Variants in ERI3 observed in about 807,000 individuals in gnomAD.
ERI3 encodes the protein ERI1 exoribonuclease 3.
Under a neutral mutation model 44.4 loss-of-function variants are expected in ERI3, and 18 were observed. That is an observed-to-expected ratio of 0.41 (90% CI 0.28 to 0.60). The LOEUF (loss-of-function observed/expected upper bound fraction) is 0.60, where lower values mean the gene tolerates loss of function less well. Ranked by LOEUF, ERI3 falls within the 20% of genes least tolerant of loss-of-function variation. The pLI is 0.36. For synonymous variants in ERI3, 183 were observed against 164.8 expected (o/e 1.11, Z -0.84); for missense variants, 294 against 435.5 (o/e 0.68, Z 2.89).
At chr1:44,292,301 T>C (rs535512295) in intron 6 of ERI3, among the ~76,000 whole-genome samples, 3 of 152,290 alleles carry the variant, frequency 2.0e-5, no homozygotes, top group African/African-American at 7.2e-5. Flanking sequence ...AGGAAGCACC[T>C]TGGGACTCAT....
At chr1:44,340,847 T>A (rs1023363488) in intron 2 of ERI3, among the ~76,000 whole-genome samples, 3 of 152,206 alleles carry the variant, frequency 2.0e-5, no homozygotes, top group African/African-American at 4.8e-5. Flanking sequence ...AACGCTGGCT[T>A]GAGTTTCAAT....
rs1644941003 is a variant in ERI3, at chr1:44,263,946, AAGTC to A, written c.832-15912_832-15909del. Among the ~76,000 whole-genome samples the A allele has an allele frequency of 2.0e-5, 3 of 152,310 alleles. No individual in the cohort carries two copies. In the South Asian group the frequency reaches 6.2e-4, roughly 32 times the overall value. ...ACATGTCTGGGGATCAGGTAGGAGG[AAGTC>A]AGTCAGATACCAAAAGTCAGTCTGT... On this transcript the variant is annotated intron_variant, in intron 7 of 8. Coordinates refer to ENST00000372257, the MANE Select transcript of ERI3 (RefSeq NM_024066.3).
rs1040196776 is a variant in ERI3, at chr1:44,294,364, C to T, written c.759-9457G>A. Among the ~76,000 whole-genome samples, 7 of 152,334 alleles carry T rather than the reference C, an allele frequency of 4.6e-5. No homozygotes were observed. The East Asian group carries it at 9.6e-4, about 21-fold the overall frequency. On this transcript the variant is annotated intron_variant, in intron 6 of 8. Coordinates refer to ENST00000372257, the MANE Select transcript of ERI3 (RefSeq NM_024066.3). ...CCTCCCTGATCCATGGCTCTTTATCCTATCTGCCAACTGTCTCTCATTTCT... is the reference window on the plus strand; with the variant it reads ...CCTCCCTGATCCATGGCTCTTTATCTTATCTGCCAACTGTCTCTCATTTCT...
chr1:44,304,977 G>A (rs1280727994), intron 6 of ERI3, among the ~76,000 whole-genome samples: 1 of 152,132 alleles, frequency 6.6e-6, no homozygotes, highest in African/African-American at 2.4e-5. Context: ...CCTAAGTGAG[G>A]GTCCTCTCAC....
intron 6 of ERI3, among the ~76,000 whole-genome samples, chr1:44,305,810 G>T (rs1318513851): frequency 6.6e-6 from 1 of 152,226 alleles, no homozygotes; most frequent in Admixed American, 6.5e-5. Flanking sequence ...CCGGAAACTA[G>T]AGTGTGAAAT....
intron 8 of ERI3, among the ~76,000 whole-genome samples, chr1:44,240,628 G>A (rs1179254491): frequency 6.6e-6 from 1 of 152,182 alleles, no homozygotes; most frequent in African/African-American, 2.4e-5. Context: ...CTTATCACGG[G>A]GTTTGAGAAT....
chr1:44,319,561 A>G (rs575339967), intron 4 of ERI3, 67 bp downstream of exon 4: 12 of 1,081,820 alleles, frequency 1.1e-5, no homozygotes, highest in Middle Eastern at 2.6e-4. Context: ...AGTGGCCTAT[A>G]TAGAGCACCA....
intron 7 of ERI3, among the ~76,000 whole-genome samples, chr1:44,282,270 G>C (rs934763657): frequency 6.6e-6 from 1 of 152,138 alleles, no homozygotes; most frequent in Admixed American, 6.5e-5. Flanking sequence ...CACTAGGCAA[G>C]TCTCAGGTGA....
intron 3 of ERI3, among the ~76,000 whole-genome samples, chr1:44,337,011 T>A (rs1157731945): frequency 6.6e-6 from 1 of 152,162 alleles, no homozygotes; most frequent in Non-Finnish European, 1.5e-5. Flanking sequence ...TCTTCAGCAT[T>A]GTGATAAATA....
In ERI3 at chr1:44,249,625, C is replaced by T. The variant is rs1300817140; in HGVS notation, c.832-1587G>A. On this transcript the variant is annotated intron_variant, in intron 7 of 8. Transcript: ENST00000372257. ...AACTTCCCAGCCAGCCTTCCCCCAC[C>T]CTTTCCCAGGCCACAGCTGAACCCA... Among the ~76,000 whole-genome samples, 3 of 152,210 alleles carry T rather than the reference C, an allele frequency of 2.0e-5. No individual in the cohort carries two copies. In the East Asian group the frequency reaches 5.8e-4, roughly 29 times the overall value.
At chr1:44,319,503 T>G in intron 4 of ERI3, 125 bp downstream of exon 4, 1 of 660,512 alleles carries the variant, frequency 1.5e-6, no homozygotes, top group South Asian at 2.0e-5. Flanking sequence ...AACTGCTAGG[T>G]CTAGTGTGCA....
chr1:44,343,532 T>C (rs1483082382), intron 2 of ERI3, among the ~76,000 whole-genome samples: 1 of 152,164 alleles, frequency 6.6e-6, no homozygotes, highest in Admixed American at 6.5e-5. Flanking sequence ...TGAGAGACAA[T>C]CTAAACAATA....
intron 8 of ERI3, among the ~76,000 whole-genome samples, chr1:44,227,957 G>A (rs1644084812): frequency 6.6e-6 from 1 of 152,138 alleles, no homozygotes; most frequent in Admixed American, 6.5e-5. Flanking sequence ...TAAAACAGTA[G>A]CTCGGTTAGT....
At chr1:44,310,080 T>C (rs913747703) in intron 5 of ERI3, among the ~76,000 whole-genome samples, 2 of 152,166 alleles carry the variant, frequency 1.3e-5, no homozygotes, top group Non-Finnish European at 2.9e-5. Context: ...AATGTGATAA[T>C]GTTTTAAGTA....
intron 3 of ERI3, among the ~76,000 whole-genome samples, chr1:44,326,360 G>A (rs559533617): frequency 3.9e-5 from 6 of 152,312 alleles, no homozygotes; most frequent in African/African-American, 1.4e-4. Context: ...TGGGAGAAGT[G>A]AGGGCTACAC....
intron 5 of ERI3, 30 bp downstream of exon 5, chr1:44,313,139 A>C: frequency 1.2e-6 from 2 of 1,606,492 alleles, no homozygotes; most frequent in Non-Finnish European, 1.7e-6. Flanking sequence ...AAGGGGTCAG[A>C]GGTCAGGAAT....
intron 8 of ERI3, among the ~76,000 whole-genome samples, chr1:44,238,971 G>A (rs1045991543): frequency 1.3e-5 from 2 of 151,968 alleles, no homozygotes; most frequent in African/African-American, 2.4e-5. Context: ...AACTAATTAC[G>A]GAAGAAATGA....
At chr1:44,346,708 A>G (rs1477266845) in intron 2 of ERI3, among the ~76,000 whole-genome samples, 1 of 152,222 alleles carries the variant, frequency 6.6e-6, no homozygotes, top group African/African-American at 2.4e-5. Context: ...GAACTGCTGT[A>G]AAAGCAAGGA....
intron 3 of ERI3, among the ~76,000 whole-genome samples, chr1:44,335,834 G>A (rs1280396726): frequency 2.0e-5 from 3 of 151,210 alleles, no homozygotes; most frequent in Non-Finnish European, 4.4e-5. Context: ...CCATCAAGCC[G>A]TTCTGAGACA....
Sources: gnomAD v4.1 joint callset for allele counts (sites outside exome capture counted in the v4.1 genomes callset) on GRCh38, gnomAD v4.1.1 for gene constraint, MANE v1.5 for transcripts, NCBI Gene and HGNC (gene_info 2026-07-23, HGNC 2026-07-21) for gene names.